MCC: variants seen among roughly 807,000 people sequenced by gnomAD.
MCC encodes colorectal mutant cancer protein.
A neutral mutation model predicts 116.2 loss-of-function variants in MCC; 90 were observed. That is an observed-to-expected ratio of 0.77 (90% CI 0.65 to 0.92). The LOEUF is 0.92. MCC is among the 40% of genes least tolerant of loss of function. The probability of loss-of-function intolerance (pLI) is 0.00; values close to 1 mark genes in which losing one functional copy is unlikely to be tolerated. For missense variants in MCC, 1,516 were observed against 1,312.2 expected, an observed-to-expected ratio of 1.16 and a Z score of -2.40; for synonymous variants, 578 against 510.5, an observed-to-expected ratio of 1.13 and a Z score of -1.78.
At chr5:113,353,808 T>G (rs559019088) in intron 2 of MCC, among the ~76,000 whole-genome samples, 1 of 152,342 alleles carries the variant, frequency 6.6e-6, no homozygotes, top group East Asian at 1.9e-4. Flanking sequence ...ACCTATCAAC[T>G]GACATAGCCA....
intron 1 of MCC, among the ~76,000 whole-genome samples, chr5:113,420,215 T>G (rs965352377): frequency 6.6e-6 from 1 of 150,832 alleles, no homozygotes; most frequent in Non-Finnish European, 1.5e-5. Flanking sequence ...AAATATAAGA[T>G]TAGGCAAAGT....
chr5:113,071,018 C>G, intron 12 of MCC, 76 bp downstream of exon 12: 1 of 1,515,568 alleles, frequency 6.6e-7, no homozygotes, highest in Non-Finnish European at 8.9e-7. Context: ...AAGCCTATTT[C>G]CTACTTTTAT....
At chr5:113,209,151 C>A (rs1763020998) in intron 3 of MCC, among the ~76,000 whole-genome samples, 1 of 152,158 alleles carries the variant, frequency 6.6e-6, no homozygotes, top group African/African-American at 2.4e-5. Flanking sequence ...TCTGGGTTCT[C>A]CCGAGAGGCT....
intron 1 of MCC, among the ~76,000 whole-genome samples, chr5:113,443,213 A>C (rs553755521): frequency 6.6e-6 from 1 of 152,238 alleles, no homozygotes; most frequent in African/African-American, 2.4e-5. Flanking sequence ...GGTCCTTCAC[A>C]TTGCTTGTAA....
At chr5:113,433,918 ACTT>A in intron 1 of MCC, 1 of 1,613,894 alleles carries the variant, frequency 6.2e-7, no homozygotes, top group Non-Finnish European at 8.5e-7. Flanking sequence ...TTGGTGGCAG[ACTT>A]CTTGTCAGAG....
At chr5:113,101,689 C>T in intron 8 of MCC, 50 bp downstream of exon 8, 1 of 1,598,180 alleles carries the variant, frequency 6.3e-7, no homozygotes. Flanking sequence ...CAGCCTCTCT[C>T]AGCCCCATGC....
At chr5:113,269,120 A>AC in intron 3 of MCC, 1 of 964,070 alleles carries the variant, frequency 1.0e-6, no homozygotes, top group Non-Finnish European at 1.2e-6. Context: ...TAAAAGTCAG[A>AC]CCAGCCTTGC....
intron 14 of MCC, 146 bp from the exon 15 acceptor site, chr5:113,054,105 G>C (rs79203374): frequency 0.096 from 58,785 of 610,618 alleles, 3,499 homozygotes; most frequent in Non-Finnish European, 0.13. Flanking sequence ...TCACAGCATA[G>C]GAAAATGATA....
At chr5:113,269,863 AGAGAT>A (rs1765547904) in intron 3 of MCC, among the ~76,000 whole-genome samples, 1 of 152,218 alleles carries the variant, frequency 6.6e-6, no homozygotes, top group Admixed American at 6.5e-5. Context: ...GATTTCATTC[AGAGAT>A]AAGGCAACAG....
At chr5:113,265,866 G>GT (rs1765399400) in intron 3 of MCC, among the ~76,000 whole-genome samples, 1 of 152,094 alleles carries the variant, frequency 6.6e-6, no homozygotes. Context: ...ACGTCTAAGT[G>GT]TAACAGTGTA....
At chr5:113,473,198 C>G (rs1772140638) in intron 1 of MCC, among the ~76,000 whole-genome samples, 1 of 152,056 alleles carries the variant, frequency 6.6e-6, no homozygotes, top group South Asian at 2.1e-4. Context: ...ATTTAAGAAT[C>G]TCTTTCTAAC....
intron 6 of MCC, among the ~76,000 whole-genome samples, chr5:113,112,610 C>T (rs112191292): frequency 0.02 from 3,019 of 152,212 alleles, 113 homozygotes; most frequent in African/African-American, 0.07. Flanking sequence ...AGTGTGAAAA[C>T]GGACTAATAC....
chr5:113,107,209 TTTTTTTTTTTTC>T (rs1457815212), intron 6 of MCC, among the ~76,000 whole-genome samples: 591 of 38,704 alleles, frequency 0.015, 2 homozygotes, highest in African/African-American at 0.084. Context: ...CATGTTTTTC[TTTTTTTTTTTTC>T]TTTTTTTTTT....
At chr5:113,225,497 A>G (rs1257409365) in intron 3 of MCC, among the ~76,000 whole-genome samples, 2 of 152,166 alleles carry the variant, frequency 1.3e-5, no homozygotes, top group South Asian at 4.1e-4. Context: ...TCTGGAATTT[A>G]CTGAAAGCTG....
intron 17 of MCC, among the ~76,000 whole-genome samples, chr5:113,036,819 C>A (rs190598064): frequency 6.6e-6 from 1 of 152,312 alleles, no homozygotes; most frequent in East Asian, 1.9e-4. Flanking sequence ...ACTCAAGCAA[C>A]AACCCCTCCA....
chr5:113,259,907 T>C (rs1433697125), intron 3 of MCC, among the ~76,000 whole-genome samples: 1 of 152,180 alleles, frequency 6.6e-6, no homozygotes, highest in Non-Finnish European at 1.5e-5. Flanking sequence ...GCAATATTTT[T>C]CTCAGGTAAG....
rs348943 is a variant in MCC, at chr5:113,488,301, C to T, written c.114G>A (p.Glu38=). The stretch of plus-strand genomic sequence containing the variant: ...ACGTCTGGAAGAGGCGCCGCATCCT[C>T]TCCTCCTCGCCGGTGCTGGACGTGT... The part of the protein sequence containing the change: ...SSDTSSTGEE[E]RMRRLFQTCD... Residue 38 remains glutamate (E), a synonymous_variant, in exon 1 of 19, where the codon GAG becomes GAA. Transcript: ENST00000408903. The T allele has an allele frequency of 0.48, 754,409 of 1,584,866 alleles. 183,297 individuals are homozygous for T. The highest frequency in any genetic ancestry group is 0.7 in the East Asian group (27,952 of 40,060).
At chr5:113,112,019 A>C (rs1482547937) in intron 6 of MCC, among the ~76,000 whole-genome samples, 3 of 152,206 alleles carry the variant, frequency 2.0e-5, no homozygotes, top group Non-Finnish European at 4.4e-5. Context: ...CCTAACTCAA[A>C]TAAAGGGCAG....
chr5:113,033,500 CT>C (rs1394573622), intron 17 of MCC, among the ~76,000 whole-genome samples: 2 of 152,190 alleles, frequency 1.3e-5, no homozygotes, highest in African/African-American at 4.8e-5. Flanking sequence ...CTTTCTCCTT[CT>C]AATTTAAATT....
Sources: allele counts gnomAD v4.1 joint callset (sites outside exome capture counted in the v4.1 genomes callset), GRCh38; gene constraint gnomAD v4.1.1; transcripts MANE v1.5; gene names NCBI Gene and HGNC (gene_info 2026-07-23, HGNC 2026-07-21).